GLT1D1: variants seen among roughly 807,000 people sequenced by gnomAD.
GLT1D1 encodes the protein glycosyltransferase 1 domain-containing protein 1.
GLT1D1 carries 21 observed loss-of-function variants against 28.7 expected under a neutral mutation model. The observed-to-expected ratio is 0.73, with a 90% confidence interval of 0.52 to 1.05. The LOEUF (loss-of-function observed/expected upper bound fraction) is 1.05. GLT1D1 is among the 50% of genes least tolerant of loss of function. GLT1D1 has a pLI of 0.00. For synonymous variants in GLT1D1, 147 were observed against 124.8 expected, an observed-to-expected ratio of 1.18 and a Z score of -1.19; for missense variants, 343 against 330.6, an observed-to-expected ratio of 1.04 and a Z score of -0.29.
chr12:128,924,459 T>C (rs773011220), intron 4 of GLT1D1, among the ~76,000 whole-genome samples: 1 of 151,462 alleles, frequency 6.6e-6, no homozygotes, highest in Non-Finnish European at 1.5e-5. Context: ...AAAAAGCCTC[T>C]TTTATTTATT....
intron 6 of GLT1D1, among the ~76,000 whole-genome samples, chr12:128,955,544 C>T (rs1009510019): frequency 1.3e-5 from 2 of 150,050 alleles, no homozygotes; most frequent in African/African-American, 4.9e-5. Context: ...AGGCAGGATC[C>T]ACACACCATT....
intron 6 of GLT1D1, among the ~76,000 whole-genome samples, chr12:128,949,152 T>G (rs916425460): frequency 1.3e-5 from 2 of 152,262 alleles, no homozygotes; most frequent in African/African-American, 2.4e-5. Context: ...TATTGTGAAC[T>G]GCTCCTTTGT....
At chr12:128,859,321 C>T (rs1311687480) in intron 1 of GLT1D1, among the ~76,000 whole-genome samples, 4 of 152,182 alleles carry the variant, frequency 2.6e-5, no homozygotes, top group Non-Finnish European at 4.4e-5. Flanking sequence ...ACCATCTCTT[C>T]CAGAGCTGAG....
At chr12:128,867,374 G>A (rs547129753) in intron 1 of GLT1D1, among the ~76,000 whole-genome samples, 4 of 125,726 alleles carry the variant, frequency 3.2e-5, no homozygotes, top group South Asian at 2.5e-4. Flanking sequence ...TCCAGCCTGG[G>A]CAACAAGAGT....
intron 2 of GLT1D1, among the ~76,000 whole-genome samples, chr12:128,882,212 A>G (rs2135814379): frequency 6.6e-6 from 1 of 152,246 alleles, no homozygotes; most frequent in East Asian, 1.9e-4. Context: ...ATATGCAAAT[A>G]ATGGAAAATA....
At chr12:128,907,275 G>C (rs1870970135) in intron 4 of GLT1D1, among the ~76,000 whole-genome samples, 1 of 151,378 alleles carries the variant, frequency 6.6e-6, no homozygotes. Flanking sequence ...AGAAGCTCCA[G>C]GGATTGATCA....
chr12:128,879,401 TC>T (rs1956961140), intron 2 of GLT1D1, among the ~76,000 whole-genome samples: 2 of 86,178 alleles, frequency 2.3e-5, no homozygotes, highest in African/African-American at 1.0e-4. Context: ...TTTCTTTCTT[TC>T]TTTCTTTCTT....
At chr12:128,855,755 T>C (rs553791936) in intron 1 of GLT1D1, among the ~76,000 whole-genome samples, 8 of 147,404 alleles carry the variant, frequency 5.4e-5, no homozygotes, top group Admixed American at 2.0e-4. Context: ...CCTTTTTTTT[T>C]TTTTTTTTTT....
chr12:128,954,472 T>C (rs1003240717), intron 6 of GLT1D1, among the ~76,000 whole-genome samples: 1 of 152,132 alleles, frequency 6.6e-6, no homozygotes, highest in South Asian at 2.1e-4. Flanking sequence ...TATCTCGAGG[T>C]CTGGTTCTAA....
chr12:128,961,803 G>A (rs566803821), intron 7 of GLT1D1, among the ~76,000 whole-genome samples: 18 of 152,214 alleles, frequency 1.2e-4, no homozygotes, highest in South Asian at 4.1e-4. Context: ...GAGATAAGGC[G>A]TCACCAGCTA....
intron 1 of GLT1D1, among the ~76,000 whole-genome samples, chr12:128,870,099 C>T (rs578250916): frequency 9.4e-4 from 143 of 151,976 alleles, no homozygotes; most frequent in African/African-American, 2.7e-3. Context: ...TTAGTAGAGA[C>T]GGGGTTTCAC....
chr12:128,887,477 C>T (rs1418687045), intron 2 of GLT1D1, among the ~76,000 whole-genome samples: 3 of 141,414 alleles, frequency 2.1e-5, no homozygotes, highest in Non-Finnish European at 4.6e-5. Flanking sequence ...TTTTTTTGGC[C>T]AGTCTTTCTA....
At chr12:128,944,055 C>T (rs1382775536) in intron 4 of GLT1D1, among the ~76,000 whole-genome samples, 1 of 152,168 alleles carries the variant, frequency 6.6e-6, no homozygotes, top group Non-Finnish European at 1.5e-5. Flanking sequence ...TTGAGGATAG[C>T]TGCGTAAAAC....
chr12:128,874,632 T>A (rs1290513917), intron 1 of GLT1D1, among the ~76,000 whole-genome samples: 1 of 151,832 alleles, frequency 6.6e-6, no homozygotes, highest in African/African-American at 2.4e-5. Flanking sequence ...CAGGTATGTG[T>A]CACCATGCCC....
chr12:128,880,842 T>A (rs1481563579), intron 2 of GLT1D1, among the ~76,000 whole-genome samples: 1 of 152,146 alleles, frequency 6.6e-6, no homozygotes, highest in African/African-American at 2.4e-5. Context: ...TTTGTGTGTG[T>A]GTTTTTGGTT....
Position 128,925,379 on chromosome 12 carries a change from C to T in GLT1D1, c.376-19947C>T, listed in dbSNP as rs145160759. Among the ~76,000 whole-genome samples the T allele has an allele frequency of 3.9e-5, 6 of 152,338 alleles. No individual in the cohort carries two copies. In the East Asian group the frequency reaches 1.2e-3, roughly 29 times the overall value. The stretch of plus-strand genomic sequence containing the variant: ...GACAGGCCCCAGTGTGTCCTTCCCC[C>T]ATGTGTCCATGTGCTCTCATCATTC... On this transcript the variant is annotated intron_variant, in intron 4 of 7. Coordinates refer to ENST00000281703, the MANE Select transcript of GLT1D1 (RefSeq NM_144669.3).
chr12:128,978,259 G>A (rs959194338), intron 7 of GLT1D1, among the ~76,000 whole-genome samples: 1 of 152,102 alleles, frequency 6.6e-6, no homozygotes, highest in Non-Finnish European at 1.5e-5. Context: ...ACCTGGGCTG[G>A]AAGGATCTGC....
At chr12:128,888,946 T>G (rs144563441) in intron 3 of GLT1D1, among the ~76,000 whole-genome samples, 1 of 152,222 alleles carries the variant, frequency 6.6e-6, no homozygotes, top group African/African-American at 2.4e-5. Flanking sequence ...TGCACTTAAG[T>G]CTTCAACTAC....
At chr12:128,868,017 A>G (rs189987199) in intron 1 of GLT1D1, among the ~76,000 whole-genome samples, 1 of 152,234 alleles carries the variant, frequency 6.6e-6, no homozygotes, top group Non-Finnish European at 1.5e-5. Flanking sequence ...ATTGAAAGCT[A>G]AGTTGAATTG....
Sources: gnomAD v4.1 joint callset for allele counts (sites outside exome capture counted in the v4.1 genomes callset) on GRCh38, gnomAD v4.1.1 for gene constraint, MANE v1.5 for transcripts, NCBI Gene and HGNC (gene_info 2026-07-23, HGNC 2026-07-21) for gene names.